LRTM2: variants seen among roughly 807,000 people sequenced by gnomAD.
LRTM2 encodes leucine-rich repeat and transmembrane domain-containing protein 2.
In LRTM2, 18 loss-of-function variants were observed where a neutral mutation model predicts 28.1. The ratio of observed to expected loss-of-function variants is 0.64; its 90% CI spans 0.44 to 0.95. The LOEUF is 0.95. Ranked by LOEUF, LRTM2 falls within the 40% of genes least tolerant of loss-of-function variation. LRTM2 has a pLI of 0.00. For synonymous variants in LRTM2, 250 were observed against 218.7 expected, an observed-to-expected ratio of 1.14 and a Z score of -1.26; for missense variants, 436 against 497.2, an observed-to-expected ratio of 0.88 and a Z score of 1.17.
chr12:1,831,336 C>G lies in LRTM2; in HGVS notation c.469C>G (p.Pro157Ala). Residue 157 changes from proline to alanine, a missense_variant, in exon 4 of 5, where the codon CCT (proline) becomes GCT (alanine). Pro to Ala is a conservative substitution (Grantham distance 27). Coordinates refer to ENST00000299194, the MANE Select transcript of LRTM2 (RefSeq NM_001039029.3). Reference protein sequence around the residue: ...LSINGLAQLPPGLFDGLLALR... With the variant: ...LSINGLAQLPAGLFDGLLALR... Reference sequence around the variant, plus strand: ...CATCAACGGCCTGGCCCAGTTGCCCCCTGGTCTTTTCGACGGGCTCCTGGC... The same window carrying G: ...CATCAACGGCCTGGCCCAGTTGCCCGCTGGTCTTTTCGACGGGCTCCTGGC... 1 of 1,613,920 alleles carries G rather than the reference C, an allele frequency of 6.2e-7. No homozygotes were observed. Among genetic ancestry groups the G allele is most frequent in the Non-Finnish European group, 8.5e-7 (1 of 1,180,040 alleles).
chr12:1,834,278 G>T lies in LRTM2; in HGVS notation c.670G>T (p.Asp224Tyr). The T allele has an allele frequency of 6.3e-7, 1 of 1,575,188 alleles. No individual in the cohort carries two copies. The highest frequency in any genetic ancestry group is 1.2e-5 in the South Asian group (1 of 85,472). ...TCTTCTGCATGTAGGGGGACGCTTG[G>T]ACCAGCTTGCCTGCACCCTGCCCAA... ...EWFSYRGGRL[D>Y]QLACTLPKEL... The change falls in exon 5 of 5, where the codon GAC becomes TAC. Residue 224 changes from aspartate to tyrosine, a missense_variant. Asp to Tyr is a radical substitution (Grantham distance 160, BLOSUM62 -3). Transcript: ENST00000299194. This position sits in a 1 kb window ranked among gnomAD's most constrained non-coding sequence, Gnocchi z 7.6.
chr12:1,831,586 C>A, intron 4 of LRTM2, 61 bp downstream of exon 4: 2 of 1,395,292 alleles, frequency 1.4e-6, no homozygotes, highest in Non-Finnish European at 2.0e-6. Flanking sequence ...TGGCCCCACA[C>A]TTTCCTCCTG....
intron 1 of LRTM2, among the ~76,000 whole-genome samples, chr12:1,822,950 G>A (rs766355979): frequency 1.3e-4 from 20 of 152,210 alleles, no homozygotes; most frequent in Admixed American, 2.6e-4. Context: ...GGAAGGGCAC[G>A]GCCCCTGCAG....
intron 1 of LRTM2, among the ~76,000 whole-genome samples, chr12:1,822,464 AGCCCCAGGGACACCACCCTGAGCCCG>A (rs564490319): frequency 0.018 from 2,766 of 151,542 alleles, 29 homozygotes; most frequent in Non-Finnish European, 0.022. Context: ...CCCTGAGCCC[AGCCCCAGGGACACCACCCTGAGCCCG>A]GCCCCAGGGC....
Position 1,829,609 on chromosome 12 carries a change from A to G in LRTM2, c.68-1326A>G, listed in dbSNP as rs1162489475. Among the ~76,000 whole-genome samples, 1 of 151,742 alleles carries G rather than the reference A, an allele frequency of 6.6e-6. No individual in the cohort carries two copies. The highest frequency in any genetic ancestry group is 1.5e-5 in the Non-Finnish European group (1 of 67,910). The stretch of plus-strand genomic sequence containing the variant: ...GGGGAGAGTCTCATCCTGTTCCTTC[A>G]AGCTCCACCCTTTGGGACAGCAGAC... On this transcript the variant is annotated intron_variant, in intron 3 of 4. Transcript: ENST00000299194. This position sits in a 1 kb window ranked among gnomAD's most constrained non-coding sequence, Gnocchi z 4.2.
chr12:1,833,279 C>T lies in LRTM2; in HGVS notation c.659-988C>T, dbSNP rs74786746. Among the ~76,000 whole-genome samples, 17,850 of 152,170 alleles carry T rather than the reference C, an allele frequency of 0.12. 1,403 individuals carry two copies. Among genetic ancestry groups the T allele is most frequent in the Non-Finnish European group, 0.17 (11,513 of 67,990 alleles). The stretch of plus-strand genomic sequence containing the variant: ...GCTGCCAGTGACGGAGTGGCTGCAG[C>T]CCGCATCTTTTCGGCAGGGGGTCTA... On this transcript the variant is annotated intron_variant, in intron 4 of 4. Transcript: ENST00000299194. The surrounding 1 kb of genome is among the most constrained non-coding windows in gnomAD (Gnocchi z 4.2).
rs1230700511 is a variant in LRTM2 at position 1,833,609 on chromosome 12, G to A, written c.659-658G>A. On this transcript the variant is annotated intron_variant, in intron 4 of 4. Transcript: ENST00000299194. The surrounding 1 kb of genome is among the most constrained non-coding windows in gnomAD (Gnocchi z 4.2). ...CTTACAGGGCTGTGGTTGGGGCACC[G>A]ATGGGGCCATTGGATTGCTCCTAAG... Among the ~76,000 whole-genome samples, 2 of 152,194 alleles carry A rather than the reference G, an allele frequency of 1.3e-5. No homozygotes were observed. The highest frequency in any genetic ancestry group is 2.1e-4 in the South Asian group (1 of 4,832).
intron 1 of LRTM2, among the ~76,000 whole-genome samples, chr12:1,826,406 C>CA (rs924965935): frequency 2.1e-4 from 12 of 57,006 alleles, no homozygotes; most frequent in South Asian, 7.9e-4. Context: ...CAGAGCCCCC[C>CA]CCCCCCCCCC....
At chr12:1,821,674 C>T (rs765924791) in intron 1 of LRTM2, among the ~76,000 whole-genome samples, 5 of 152,142 alleles carry the variant, frequency 3.3e-5, no homozygotes, top group East Asian at 1.9e-4. Context: ...ACACAGGGGG[C>T]ATGGACACCC....
chr12:1,828,451 C>T lies in LRTM2; in HGVS notation c.67+236C>T, dbSNP rs975303337. Among the ~76,000 whole-genome samples the T allele has an allele frequency of 6.6e-6, 1 of 152,204 alleles. No individual in the cohort carries two copies. Among genetic ancestry groups the T allele is most frequent in the African/African-American group, 2.4e-5 (1 of 41,466 alleles). On this transcript the variant is annotated intron_variant, in intron 3 of 4. Coordinates refer to ENST00000299194, the MANE Select transcript of LRTM2 (RefSeq NM_001039029.3). The surrounding 1 kb of genome is among the most constrained non-coding windows in gnomAD (Gnocchi z 4.2). ...GAGTGGTTAGACCTGGAGCTGGAGG[C>T]CACGACAGTTGTTCTACCTCCCCCA...
chr12:1,827,733 G>A (rs1005987247), intron 2 of LRTM2, 139 bp downstream of exon 2: 1 of 170,820 alleles, frequency 5.9e-6, no homozygotes, highest in Middle Eastern at 2.5e-3. Flanking sequence ...CTCAAGGAAT[G>A]CCCAGATGGG....
rs763425485 is a variant in LRTM2 at position 1,831,198 on chromosome 12, A to G, written c.331A>G (p.Ile111Val). 1.4e-5 allele frequency: 23 copies of G among 1,613,532 alleles called. No individual in the cohort carries two copies. The highest frequency in any genetic ancestry group is 1.6e-4 in the Middle Eastern group (1 of 6,084). Reference sequence around the variant, plus strand: ...CTTCCTGGACCGGCTGCCCCGCTCCATTTTCGGGGACCTGACGAATCTGAC... The same window carrying G: ...CTTCCTGGACCGGCTGCCCCGCTCCGTTTTCGGGGACCTGACGAATCTGAC... ...NNFLDRLPRS[I>V]FGDLTNLTEL... The change falls in exon 4 of 5, where the codon ATT becomes GTT. Residue 111 changes from isoleucine (I) to valine (V), a missense_variant. Coordinates refer to ENST00000299194, the MANE Select transcript of LRTM2 (RefSeq NM_001039029.3).
chr12:1,821,214 C>T (rs541577944), intron 1 of LRTM2, among the ~76,000 whole-genome samples: 176 of 152,140 alleles, frequency 1.2e-3, no homozygotes, highest in African/African-American at 3.7e-3. Context: ...TCATGGGAAG[C>T]GGTTGGGATG....
At position 1,830,353 on chromosome 12, in the gene LRTM2, C is replaced by T. The variant is rs113775339; in HGVS notation, c.68-582C>T. ...GGAAACATAACAGCACTTGGGACGCCGTGAAGGACAGGGCTAGGAGTGCTG... is the reference window on the plus strand; with the variant it reads ...GGAAACATAACAGCACTTGGGACGCTGTGAAGGACAGGGCTAGGAGTGCTG... On this transcript the variant is annotated intron_variant, in intron 3 of 4. Transcript: ENST00000299194. Among the ~76,000 whole-genome samples, 433 of 152,280 alleles carry T rather than the reference C, an allele frequency of 2.8e-3. 4 individuals are homozygous for T. The highest frequency in any genetic ancestry group is 0.01 in the African/African-American group (418 of 41,554).
rs369526569 is a variant in LRTM2 at position 1,831,186 on chromosome 12, C to T, written c.319C>T (p.Leu107=). 42 of 1,613,920 alleles carry T rather than the reference C, an allele frequency of 2.6e-5. 1 individual carries two copies. The highest frequency in any genetic ancestry group is 1.3e-4 in the Admixed American group (8 of 60,034). Residue 107 remains leucine, a synonymous_variant, in exon 4 of 5, where the codon CTG becomes TTG. Transcript: ENST00000299194. ...CCTGTCCAACAACTTCCTGGACCGG[C>T]TGCCCCGCTCCATTTTCGGGGACCT... ...LDLSNNFLDR[L]PRSIFGDLTN...
In LRTM2 at chr12:1,829,883, G is replaced by T. The variant is rs61909414; in HGVS notation, c.68-1052G>T. On this transcript the variant is annotated intron_variant, in intron 3 of 4. Coordinates refer to ENST00000299194, the MANE Select transcript of LRTM2 (RefSeq NM_001039029.3). The surrounding 1 kb of genome is among the most constrained non-coding windows in gnomAD (Gnocchi z 4.2). ...TGAATTCTTCCCAGTTCTCTTTCAC[G>T]ATGAGCAGGCTTCTCTGCTACTCAG... Among the ~76,000 whole-genome samples, 42 of 152,212 alleles carry T rather than the reference G, an allele frequency of 2.8e-4. No individual in the cohort carries two copies. The highest frequency in any genetic ancestry group is 9.9e-4 in the African/African-American group (41 of 41,542).
At chr12:1,831,697 G>C (rs932652570) in intron 4 of LRTM2, among the ~76,000 whole-genome samples, 172 bp downstream of exon 4, 1 of 152,074 alleles carries the variant, frequency 6.6e-6, no homozygotes, top group Non-Finnish European at 1.5e-5. Flanking sequence ...CCCCTCACAT[G>C]AGCCATCACC....
In LRTM2 at chr12:1,829,833, C is replaced by G. The variant is rs889786637; in HGVS notation, c.68-1102C>G. On this transcript the variant is annotated intron_variant, in intron 3 of 4. Transcript: ENST00000299194. This position sits in a 1 kb window ranked among gnomAD's most constrained non-coding sequence, Gnocchi z 4.2. ...CTGGGTGGAACTGACCTCGGCTGGG[C>G]TGACCTGGTGGGGCTGAACTATTTT... 2.0e-5 allele frequency among the ~76,000 whole-genome samples: 3 copies of G among 151,998 alleles called. No individual in the cohort carries two copies. The highest frequency in any genetic ancestry group is 4.4e-5 in the Non-Finnish European group (3 of 67,972).
rs575633684 is a variant in LRTM2 at position 1,829,408 on chromosome 12, G to A, written c.67+1193G>A. Among the ~76,000 whole-genome samples the A allele has an allele frequency of 9.9e-5, 15 of 152,146 alleles. No homozygotes were observed. In the South Asian group the frequency reaches 1.9e-3, roughly 19 times the overall value. Reference sequence around the variant, plus strand: ...GGCTCAGAGGGGTGAGAGGGTGAGCGGAGACATGAGGTAACCCAAGATGGC... The same window carrying A: ...GGCTCAGAGGGGTGAGAGGGTGAGCAGAGACATGAGGTAACCCAAGATGGC... On this transcript the variant is annotated intron_variant, in intron 3 of 4. Coordinates refer to ENST00000299194, the MANE Select transcript of LRTM2 (RefSeq NM_001039029.3). This position sits in a 1 kb window ranked among gnomAD's most constrained non-coding sequence, Gnocchi z 4.2.
Sources: allele counts gnomAD v4.1 joint callset (sites outside exome capture counted in the v4.1 genomes callset), GRCh38; gene constraint gnomAD v4.1.1; non-coding constraint Gnocchi (gnomAD v3.1); transcripts MANE v1.5; gene names NCBI Gene and HGNC (gene_info 2026-07-23, HGNC 2026-07-21).